The following JPH1 variants were observed in gnomAD, a reference collection of about 807,000 sequenced individuals.
The protein encoded by JPH1 is junctophilin 1, also known as junctophilin-1.
JPH1 carries 12 observed loss-of-function variants against 53.6 expected under a neutral mutation model. That is an observed-to-expected ratio of 0.22 (90% CI 0.14 to 0.36). The LOEUF is 0.36. Among genes scored for constraint, JPH1 ranks in the 10% least tolerant of loss-of-function variants. The pLI is 1.00. For missense variants in JPH1, 808 were observed against 905.5 expected, an observed-to-expected ratio of 0.89 and a Z score of 1.38; for synonymous variants, 375 against 363.8, an observed-to-expected ratio of 1.03 and a Z score of -0.35.
rs570766629 is a variant in JPH1, at chr8:74,318,212, G to A, written c.380-2592C>T. ...TCCTCTTGATTCCTAAAATGTAGAT[G>A]CATATTTCACAAGTATAAAAATTAC... On this transcript the variant is annotated intron_variant, in intron 1 of 5. Coordinates refer to ENST00000342232, the MANE Select transcript of JPH1 (RefSeq NM_020647.4). 7.4e-4 allele frequency among the ~76,000 whole-genome samples: 112 copies of A among 152,266 alleles called. 1 individual carries two copies. Among genetic ancestry groups the A allele is most frequent in the African/African-American group, 2.6e-3 (109 of 41,558 alleles).
chr8:74,310,881 C>T (rs1433594281), intron 2 of JPH1, among the ~76,000 whole-genome samples: 4 of 152,182 alleles, frequency 2.6e-5, no homozygotes, highest in African/African-American at 7.2e-5. Flanking sequence ...AGAAATAACA[C>T]AAATGGAATG....
intron 2 of JPH1, among the ~76,000 whole-genome samples, chr8:74,312,483 C>T (rs932389256): frequency 2.0e-5 from 3 of 152,170 alleles, no homozygotes; most frequent in Admixed American, 2.0e-4. Context: ...CTCCTGGGCT[C>T]AAGAGATCCT....
rs143004330 is a variant in JPH1 at position 74,246,353 on chromosome 8, A to G, written c.1259-1178T>C. On this transcript the variant is annotated intron_variant, in intron 3 of 5. Coordinates refer to ENST00000342232, the MANE Select transcript of JPH1 (RefSeq NM_020647.4). ...TTCTACCCCCAACCCTTCACCCCAG[A>G]CAAACTCACTAACTCACTAAAAGAT... 1.9e-3 allele frequency among the ~76,000 whole-genome samples: 284 copies of G among 152,294 alleles called. 1 individual carries two copies. Among genetic ancestry groups the G allele is most frequent in the Middle Eastern group, 0.01 (3 of 292 alleles).
At chr8:74,260,615 G>A (rs1011827244) in intron 2 of JPH1, among the ~76,000 whole-genome samples, 2 of 150,440 alleles carry the variant, frequency 1.3e-5, no homozygotes, top group Non-Finnish European at 2.9e-5. Flanking sequence ...GAGAGAGGAG[G>A]AGTTGGGAAA....
intron 3 of JPH1, among the ~76,000 whole-genome samples, chr8:74,255,917 A>C (rs568946085): frequency 4.6e-5 from 7 of 152,322 alleles, no homozygotes; most frequent in East Asian, 1.9e-4. Flanking sequence ...GATGTGGAGA[A>C]ATAGGAATAC....
intron 3 of JPH1, among the ~76,000 whole-genome samples, chr8:74,252,204 A>G (rs112038179): frequency 0.024 from 3,679 of 152,300 alleles, 138 homozygotes; most frequent in African/African-American, 0.078. Context: ...TGTTAGACCT[A>G]AAACCATAAA....
chr8:74,280,076 T>G (rs1413216361), intron 2 of JPH1, among the ~76,000 whole-genome samples: 1 of 152,192 alleles, frequency 6.6e-6, no homozygotes, highest in Non-Finnish European at 1.5e-5. Flanking sequence ...TCCTATCATT[T>G]GAATGATAAA....
intron 2 of JPH1, among the ~76,000 whole-genome samples, chr8:74,288,994 C>T (rs1304321948): frequency 6.6e-6 from 1 of 152,060 alleles, no homozygotes; most frequent in Non-Finnish European, 1.5e-5. Flanking sequence ...AAGACTTTAC[C>T]TAAGAGTTTA....
chr8:74,243,063 G>T (rs909442335), intron 4 of JPH1, among the ~76,000 whole-genome samples: 2 of 152,080 alleles, frequency 1.3e-5, no homozygotes, highest in African/African-American at 4.8e-5. Context: ...CCCACAAATG[G>T]GTACCCAAAG....
intron 2 of JPH1, among the ~76,000 whole-genome samples, chr8:74,278,780 A>G (rs915492384): frequency 6.6e-6 from 1 of 152,182 alleles, no homozygotes; most frequent in African/African-American, 2.4e-5. Context: ...CAGAGACTTA[A>G]TGGGGTGCTG....
At chr8:74,285,717 T>C (rs921968150) in intron 2 of JPH1, among the ~76,000 whole-genome samples, 2 of 152,246 alleles carry the variant, frequency 1.3e-5, no homozygotes, top group African/African-American at 2.4e-5. Context: ...GTAATCTGCA[T>C]TATATGCAAC....
At position 74,236,583 on chromosome 8, in the gene JPH1, T is replaced by A. The variant is rs1439245086; in HGVS notation, c.*468A>T. The A allele has an allele frequency of 6.6e-6, 1 of 151,956 alleles. No individual in the cohort carries two copies. The highest frequency in any genetic ancestry group is 1.5e-5 in the Non-Finnish European group (1 of 67,964). The allele number at this position is 151,956 out of a possible 1,614,324, so 9.4% of individuals were successfully genotyped here. A position where few individuals can be genotyped will look rare whatever the true frequency, so the allele number is the denominator to read the frequency against. On this transcript the variant is annotated 3_prime_UTR_variant, in exon 6 of 6. Coordinates refer to ENST00000342232, the MANE Select transcript of JPH1 (RefSeq NM_020647.4). Reference sequence around the variant, plus strand: ...CAACACAATCCTCCGACCGCATTCCTCGGGCAGTCGTTTCCCCAGCTCCCT... The same window carrying A: ...CAACACAATCCTCCGACCGCATTCCACGGGCAGTCGTTTCCCCAGCTCCCT...
At chr8:74,277,225 G>T (rs1371256045) in intron 2 of JPH1, among the ~76,000 whole-genome samples, 1 of 152,078 alleles carries the variant, frequency 6.6e-6, no homozygotes, top group African/African-American at 2.4e-5. Flanking sequence ...TCCCATCCTG[G>T]TCCCCGCTGT....
At chr8:74,251,567 G>A (rs938418410) in intron 3 of JPH1, among the ~76,000 whole-genome samples, 3 of 152,054 alleles carry the variant, frequency 2.0e-5, no homozygotes, top group Non-Finnish European at 4.4e-5. Flanking sequence ...ACCCTTTGGG[G>A]GAGAAAGCCA....
intron 4 of JPH1, among the ~76,000 whole-genome samples, chr8:74,239,192 T>C (rs951063279): frequency 1.3e-5 from 2 of 152,200 alleles, no homozygotes; most frequent in African/African-American, 4.8e-5. Flanking sequence ...TGAGATTTTT[T>C]TTTTTGTTTA....
chr8:74,243,967 T>C (rs1805770957), intron 4 of JPH1, among the ~76,000 whole-genome samples: 1 of 152,226 alleles, frequency 6.6e-6, no homozygotes, highest in African/African-American at 2.4e-5. Context: ...GTTGGAAATT[T>C]TCAGTTCTCT....
intron 2 of JPH1, among the ~76,000 whole-genome samples, chr8:74,311,698 GT>G (rs1304924285): frequency 8.5e-6 from 1 of 117,862 alleles, no homozygotes; most frequent in Admixed American, 1.2e-4. Flanking sequence ...AGTCCCCAGA[GT>G]GTGATGTTCC....
intron 2 of JPH1, among the ~76,000 whole-genome samples, chr8:74,281,737 C>G (rs902591513): frequency 4.2e-4 from 64 of 152,272 alleles, no homozygotes; most frequent in African/African-American, 1.5e-3. Flanking sequence ...CCACAACTAT[C>G]CCCTCACATT....
intron 2 of JPH1, among the ~76,000 whole-genome samples, chr8:74,312,293 T>C (rs1808020114): frequency 6.6e-6 from 1 of 152,192 alleles, no homozygotes; most frequent in African/African-American, 2.4e-5. Flanking sequence ...GCTGTGACAC[T>C]CAAGCTGGAG....
Sources: allele counts gnomAD v4.1 joint callset (sites outside exome capture counted in the v4.1 genomes callset), GRCh38; gene constraint gnomAD v4.1.1; transcripts MANE v1.5; gene names NCBI Gene and HGNC (gene_info 2026-07-23, HGNC 2026-07-21).